Variants in RPRD2 observed in about 807,000 individuals in gnomAD.
RPRD2 encodes regulation of nuclear pre-mRNA domain containing 2.
A neutral mutation model predicts 104.4 loss-of-function variants in RPRD2; 12 were observed. The observed-to-expected ratio is 0.11, with a 90% CI of 0.07 to 0.19. The LOEUF (loss-of-function observed/expected upper bound fraction) is 0.19, where lower values mean the gene tolerates loss of function less well. Ranked by LOEUF, RPRD2 falls within the 10% of genes least tolerant of loss-of-function variation. The pLI, the probability that RPRD2 is intolerant of heterozygous loss-of-function variation, is 1.00. For synonymous variants in RPRD2, 714 were observed against 684.9 expected, an observed-to-expected ratio of 1.04 and a Z score of -0.66; for missense variants, 1,543 against 1,790.1, an observed-to-expected ratio of 0.86 and a Z score of 2.49.
intron 1 of RPRD2, among the ~76,000 whole-genome samples, chr1:150,395,364 A>AT (rs1395652701): frequency 2.1e-5 from 1 of 47,322 alleles, no homozygotes; most frequent in African/African-American, 1.0e-4. Flanking sequence ...GTAGTATTCC[A>AT]TTGTGTGTGT....
intron 1 of RPRD2, among the ~76,000 whole-genome samples, chr1:150,413,366 C>T (rs1553888011): frequency 6.6e-6 from 1 of 152,048 alleles, no homozygotes; most frequent in Admixed American, 6.6e-5. Context: ...TTTGGGAGGC[C>T]GAGGCAGGCG....
intron 1 of RPRD2, among the ~76,000 whole-genome samples, chr1:150,390,392 G>A (rs1356195067): frequency 3.3e-5 from 5 of 152,088 alleles, no homozygotes; most frequent in African/African-American, 7.2e-5. Context: ...CCTGCTGCTC[G>A]GGAGGCAGAG....
chr1:150,445,439 GA>G (rs781785968), intron 6 of RPRD2, among the ~76,000 whole-genome samples: 6 of 152,136 alleles, frequency 3.9e-5, no homozygotes, highest in Non-Finnish European at 8.8e-5. Context: ...TAGGAAAGAA[GA>G]ACTTTTATTG....
chr1:150,416,522 C>A (rs1383384498), intron 1 of RPRD2, among the ~76,000 whole-genome samples: 5 of 152,076 alleles, frequency 3.3e-5, no homozygotes, highest in South Asian at 2.1e-4. Context: ...TTTAAGGTGA[C>A]TTTGCTCAGG....
intron 1 of RPRD2, among the ~76,000 whole-genome samples, chr1:150,369,216 G>A (rs1242961734): frequency 4.6e-5 from 7 of 152,138 alleles, no homozygotes; most frequent in Middle Eastern, 3.2e-3. Context: ...GCAGTTGGAG[G>A]CATATGGACT....
At chr1:150,444,420 A>T in intron 6 of RPRD2, 43 bp downstream of exon 6, 1 of 1,590,890 alleles carries the variant, frequency 6.3e-7, no homozygotes, top group Non-Finnish European at 8.6e-7. Flanking sequence ...TTTTCTTTCC[A>T]TATGTGTCAT....
rs1163082866 is a variant in RPRD2, at chr1:150,471,862, C to A, written c.2914C>A (p.Arg972Ser). Residue 972 changes from arginine (R) to serine (S), a missense_variant, in exon 11 of 11, where the codon CGT (arginine) becomes AGT (serine). Coordinates refer to ENST00000369068, the MANE Select transcript of RPRD2 (RefSeq NM_015203.5). This position sits in a 1 kb window ranked among gnomAD's most constrained non-coding sequence, Gnocchi z 5.3. ...YPDSPHPVPH[R>S]SLFSPQNTLA... ...AGACTCTCCTCACCCAGTCCCACAT[C>A]GTTCCCTTTTCTCTCCGCAGAACAC... The A allele has an allele frequency of 1.2e-6, 2 of 1,613,872 alleles. No homozygotes were observed. The highest frequency in any genetic ancestry group is 2.7e-5 in the African/African-American group (2 of 74,912).
rs1336802352 is a variant in RPRD2, at chr1:150,472,335, T to A, written c.3387T>A (p.Phe1129Leu). 1 of 1,613,836 alleles carries A rather than the reference T, an allele frequency of 6.2e-7. No individual in the cohort carries two copies. Among genetic ancestry groups the A allele is most frequent in the Non-Finnish European group, 8.5e-7 (1 of 1,179,880 alleles). Residue 1129 changes from phenylalanine to leucine, a missense_variant, in exon 11 of 11, where the codon TTT (phenylalanine) becomes TTA (leucine). Phe to Leu is a conservative substitution (Grantham distance 22). Around this residue, in one of 4 missense-constraint regions of RPRD2, gnomAD observed 880 missense variants for 885.6 expected, o/e 0.99. Coordinates refer to ENST00000369068, the MANE Select transcript of RPRD2 (RefSeq NM_015203.5). ...GTGAGGCTTCAAGGGTGGGTTGGTT[T>A]GATCTGAGCACATCAGGTAGCTCTT... ...HGREASRVGW[F>L]DLSTSGSSFD... is the part of the protein sequence containing the mutation.
intron 1 of RPRD2, among the ~76,000 whole-genome samples, chr1:150,376,158 C>T (rs1321035919): frequency 2.0e-5 from 3 of 152,258 alleles, no homozygotes; most frequent in South Asian, 2.1e-4. Flanking sequence ...GAAATAGAGG[C>T]TCTTTGATGA....
chr1:150,416,238 T>C (rs587656088), intron 1 of RPRD2, among the ~76,000 whole-genome samples: 3 of 152,126 alleles, frequency 2.0e-5, no homozygotes, highest in African/African-American at 7.2e-5. Flanking sequence ...TAATAAAATA[T>C]TGGTTTAAAT....
At chr1:150,382,108 T>C (rs16836594) in intron 1 of RPRD2, among the ~76,000 whole-genome samples, 7,216 of 152,316 alleles carry the variant, frequency 0.047, 434 homozygotes, top group African/African-American at 0.13. Context: ...TAACGTTTTA[T>C]GCAGGCCTGT....
chr1:150,369,334 A>G (rs1240808903), intron 1 of RPRD2, among the ~76,000 whole-genome samples: 1 of 148,910 alleles, frequency 6.7e-6, no homozygotes, highest in Non-Finnish European at 1.5e-5. Flanking sequence ...CCCAGGCTGG[A>G]GTGCAGGGCA....
chr1:150,424,841 C>G (rs193079355), intron 2 of RPRD2, among the ~76,000 whole-genome samples: 4 of 152,196 alleles, frequency 2.6e-5, no homozygotes, highest in East Asian at 3.9e-4. Flanking sequence ...GGGACTGATT[C>G]TTCTGTTAAA....
rs760977721 is a variant in RPRD2 at position 150,472,704 on chromosome 1, T to A, written c.3756T>A (p.His1252Gln). The change falls in exon 11 of 11, where the codon CAT becomes CAA. Residue 1252 changes from histidine to glutamine, a missense_variant. His to Gln is a conservative substitution (Grantham distance 24). This residue lies in a region of RPRD2 where 880 missense variants were observed against 885.6 expected (regional missense o/e 0.99). Transcript: ENST00000369068. The stretch of plus-strand genomic sequence containing the variant: ...TCACAAAGGAGGCAGCCCTGGCCCA[T>A]GCTGCCCCACCCCCTCCTCCTGGAG... ...NPFTKEAALA[H>Q]AAPPPPPGEH... The A allele has an allele frequency of 4.3e-6, 7 of 1,613,374 alleles. No homozygotes were observed. Among genetic ancestry groups the A allele is most frequent in the Non-Finnish European group, 8.5e-7 (1 of 1,179,524 alleles).
At chr1:150,427,108 G>A (rs1665189740) in intron 2 of RPRD2, among the ~76,000 whole-genome samples, 1 of 151,972 alleles carries the variant, frequency 6.6e-6, no homozygotes, top group Admixed American at 6.6e-5. Context: ...TCACGCCACT[G>A]CACTCCAGCT....
chr1:150,432,142 T>C (rs1049574319), intron 2 of RPRD2, among the ~76,000 whole-genome samples: 1 of 151,432 alleles, frequency 6.6e-6, no homozygotes, highest in South Asian at 2.1e-4. Context: ...ACATTACACT[T>C]TCTTCTGGGT....
intron 2 of RPRD2, among the ~76,000 whole-genome samples, chr1:150,421,209 T>C (rs587648539): frequency 4.9e-4 from 75 of 152,352 alleles, no homozygotes; most frequent in African/African-American, 1.8e-3. Context: ...TCAGTAGCTT[T>C]CCTATGTATG....
chr1:150,385,316 C>G (rs1312626932), intron 1 of RPRD2, among the ~76,000 whole-genome samples: 3 of 151,268 alleles, frequency 2.0e-5, no homozygotes, highest in Non-Finnish European at 4.4e-5. Context: ...ACCACCCCCA[C>G]CAAAAAAAAA....
intron 1 of RPRD2, among the ~76,000 whole-genome samples, chr1:150,382,958 A>G (rs1560153264): frequency 6.6e-6 from 1 of 151,406 alleles, no homozygotes; most frequent in Non-Finnish European, 1.5e-5. Flanking sequence ...AGATGCCAGA[A>G]TTACAGGAGT....
Sources: gnomAD v4.1 joint callset for allele counts (sites outside exome capture counted in the v4.1 genomes callset) on GRCh38, gnomAD v4.1.1 for gene constraint, gnomAD v4.1.1 regional missense constraint, Gnocchi (gnomAD v3.1) non-coding constraint, MANE v1.5 for transcripts, NCBI Gene and HGNC (gene_info 2026-07-23, HGNC 2026-07-21) for gene names.